RSU1: variants seen among roughly 807,000 people sequenced by gnomAD.
RSU1 encodes the protein Ras suppressor protein 1, also known as rsu-1.
In RSU1, 26 loss-of-function variants were observed where a neutral mutation model predicts 31.1. The ratio of observed to expected loss-of-function variants is 0.84; its 90% CI spans 0.61 to 1.16. RSU1 has a LOEUF of 1.16. Ranked by LOEUF, RSU1 falls within the 50% of genes most tolerant of loss-of-function variation. The pLI is 0.00. For missense variants in RSU1, 320 were observed against 339.1 expected, an observed-to-expected ratio of 0.94 and a Z score of 0.44; for synonymous variants, 164 against 136.3, an observed-to-expected ratio of 1.20 and a Z score of -1.41.
At chr10:16,683,498 T>G (rs1041271455) in intron 8 of RSU1, among the ~76,000 whole-genome samples, 1 of 152,218 alleles carries the variant, frequency 6.6e-6, no homozygotes, top group African/African-American at 2.4e-5. Flanking sequence ...TCTATCACCT[T>G]TGACACGCAC....
chr10:16,603,043 T>G (rs1387942251), intron 8 of RSU1, among the ~76,000 whole-genome samples: 1 of 152,182 alleles, frequency 6.6e-6, no homozygotes, highest in South Asian at 2.1e-4. Flanking sequence ...GGAAATGTTT[T>G]TTTTTCTTTT....
At chr10:16,776,844 C>CCAT (rs1222928186) in intron 3 of RSU1, among the ~76,000 whole-genome samples, 3 of 151,064 alleles carry the variant, frequency 2.0e-5, no homozygotes, top group Admixed American at 6.6e-5. Context: ...GTATTTAAGC[C>CCAT]CATCATTCCT....
intron 7 of RSU1, among the ~76,000 whole-genome samples, chr10:16,711,330 T>A (rs1056587072): frequency 2.3e-5 from 2 of 85,518 alleles, no homozygotes; most frequent in South Asian, 8.1e-4. Flanking sequence ...ATTTTGCTTA[T>A]CTTTTCAAAA....
At chr10:16,803,315 C>G (rs1338405593) in intron 2 of RSU1, among the ~76,000 whole-genome samples, 2 of 152,020 alleles carry the variant, frequency 1.3e-5, no homozygotes, top group East Asian at 1.9e-4. Context: ...TGTACAAGCT[C>G]TATATGAGAA....
At chr10:16,792,891 C>G (rs1458150552) in intron 2 of RSU1, among the ~76,000 whole-genome samples, 1 of 152,190 alleles carries the variant, frequency 6.6e-6, no homozygotes, top group Non-Finnish European at 1.5e-5. Flanking sequence ...ATGTCAGCAC[C>G]GGGCAGCAAT....
At chr10:16,747,499 G>C (rs1836878396) in intron 7 of RSU1, among the ~76,000 whole-genome samples, 1 of 151,220 alleles carries the variant, frequency 6.6e-6, no homozygotes, top group African/African-American at 2.4e-5. Context: ...AAACCTCACA[G>C]TTAACCTTAA....
At chr10:16,610,801 T>C (rs984597504) in intron 8 of RSU1, among the ~76,000 whole-genome samples, 6 of 152,162 alleles carry the variant, frequency 3.9e-5, no homozygotes, top group African/African-American at 1.4e-4. Flanking sequence ...ATGGAAAAAC[T>C]GTCTTCTACA....
chr10:16,714,896 C>T (rs1473843344), intron 7 of RSU1, among the ~76,000 whole-genome samples: 1 of 152,168 alleles, frequency 6.6e-6, no homozygotes, highest in Non-Finnish European at 1.5e-5. Context: ...GGCTACTCTC[C>T]AAACTGGATT....
chr10:16,649,575 C>T (rs1425193091), intron 8 of RSU1, among the ~76,000 whole-genome samples: 3 of 152,142 alleles, frequency 2.0e-5, no homozygotes, highest in African/African-American at 4.8e-5. Context: ...TGCAAATCAG[C>T]GACAAAACTG....
intron 8 of RSU1, among the ~76,000 whole-genome samples, chr10:16,655,577 A>T (rs1834762951): frequency 1.3e-5 from 2 of 151,804 alleles, no homozygotes; most frequent in Non-Finnish European, 2.9e-5. Context: ...ATAATTGCTT[A>T]TTATATAATT....
intron 8 of RSU1, among the ~76,000 whole-genome samples, chr10:16,606,228 G>T (rs376491205): frequency 2.6e-5 from 4 of 152,290 alleles, no homozygotes; most frequent in East Asian, 1.9e-4. Flanking sequence ...GAATGTTAAT[G>T]ATTTTTAATG....
chr10:16,742,378 C>A (rs1474460558), intron 7 of RSU1, among the ~76,000 whole-genome samples: 1 of 152,082 alleles, frequency 6.6e-6, no homozygotes, highest in East Asian at 1.9e-4. Context: ...ACAACTGTCA[C>A]CCACTTCACT....
At chr10:16,676,554 C>G (rs1473548711) in intron 8 of RSU1, among the ~76,000 whole-genome samples, 1 of 152,184 alleles carries the variant, frequency 6.6e-6, no homozygotes, top group African/African-American at 2.4e-5. Flanking sequence ...CCATATCAAT[C>G]CTTTATCCAG....
At chr10:16,779,156 A>G (rs1837601152) in intron 3 of RSU1, among the ~76,000 whole-genome samples, 1 of 152,214 alleles carries the variant, frequency 6.6e-6, no homozygotes, top group African/African-American at 2.4e-5. Flanking sequence ...TCCCCCGCTG[A>G]CTTCAAAAAC....
intron 8 of RSU1, among the ~76,000 whole-genome samples, chr10:16,641,899 G>A (rs11254122): frequency 0.33 from 50,492 of 152,024 alleles, 9,413 homozygotes; most frequent in African/African-American, 0.5. Flanking sequence ...GTAGCAGAGC[G>A]GGCAGCAGGG....
chr10:16,792,438 G>A lies in RSU1; in HGVS notation c.110-10354C>T, dbSNP rs539578074. On this transcript the variant is annotated intron_variant, in intron 2 of 8. Coordinates refer to ENST00000345264, the MANE Select transcript of RSU1 (RefSeq NM_012425.4). ...AATAGAGACGGGGTTTCATTACGTCGGCCAAGCTGGTCTCGAACTCCCGAC... is the reference window on the plus strand; with the variant it reads ...AATAGAGACGGGGTTTCATTACGTCAGCCAAGCTGGTCTCGAACTCCCGAC... 7.8e-4 allele frequency among the ~76,000 whole-genome samples: 119 copies of A among 152,172 alleles called. 1 individual carries two copies. The highest frequency in any genetic ancestry group is 3.4e-3 in the Middle Eastern group (1 of 294).
At chr10:16,815,290 C>G (rs923063141) in intron 2 of RSU1, among the ~76,000 whole-genome samples, 54 of 152,344 alleles carry the variant, frequency 3.5e-4, no homozygotes, top group African/African-American at 1.3e-3. Flanking sequence ...TTCATAAAGC[C>G]TACGAAACGC....
intron 7 of RSU1, among the ~76,000 whole-genome samples, chr10:16,695,987 C>T (rs1297202262): frequency 1.3e-5 from 2 of 152,058 alleles, no homozygotes; most frequent in Non-Finnish European, 2.9e-5. Context: ...TGTTAATGAC[C>T]AGTTGACTGT....
At chr10:16,619,054 G>A (rs1834027455) in intron 8 of RSU1, among the ~76,000 whole-genome samples, 1 of 152,146 alleles carries the variant, frequency 6.6e-6, no homozygotes, top group Non-Finnish European at 1.5e-5. Context: ...CTGAACATCA[G>A]GTACTTAGCA....
Sources: allele counts gnomAD v4.1 joint callset (sites outside exome capture counted in the v4.1 genomes callset), GRCh38; gene constraint gnomAD v4.1.1; transcripts MANE v1.5; gene names NCBI Gene and HGNC (gene_info 2026-07-23, HGNC 2026-07-21).